The following ANKS1B variants were observed in gnomAD, a reference collection of about 807,000 sequenced individuals.
ANKS1B encodes the protein ankyrin repeat and sterile alpha motif domain containing 1B, also known as ankyrin repeat and sterile alpha motif domain-containing protein 1B.
Under a neutral mutation model 148.3 loss-of-function variants are expected in ANKS1B, and 36 were observed. The ratio of observed to expected loss-of-function variants is 0.24; its 90% confidence interval spans 0.19 to 0.32. The LOEUF (loss-of-function observed/expected upper bound fraction) is 0.32. Ranked by LOEUF, ANKS1B falls within the 10% of genes least tolerant of loss-of-function variation. The pLI, the probability that ANKS1B is intolerant of heterozygous loss-of-function variation, is 1.00. For synonymous variants in ANKS1B, 542 were observed against 560.8 expected (o/e 0.97, Z 0.47); for missense variants, 1,157 against 1,542.6 (o/e 0.75, Z 4.19).
intron 17 of ANKS1B, among the ~76,000 whole-genome samples, chr12:98,962,630 A>G (rs2099873457): frequency 6.6e-6 from 1 of 152,144 alleles, no homozygotes; most frequent in African/African-American, 2.4e-5. Context: ...TTCATCCAAC[A>G]GCCTCAGAGT....
chr12:99,639,593 T>A (rs1209812109), intron 9 of ANKS1B, among the ~76,000 whole-genome samples: 1 of 152,124 alleles, frequency 6.6e-6, no homozygotes, highest in Non-Finnish European at 1.5e-5. Context: ...GGCAATTGGA[T>A]CAGGGACAGT....
intron 14 of ANKS1B, among the ~76,000 whole-genome samples, chr12:99,172,197 G>GCAT (rs2077845072): frequency 6.6e-6 from 1 of 152,140 alleles, no homozygotes; most frequent in African/African-American, 2.4e-5. Flanking sequence ...GGTTATATGT[G>GCAT]CATGTATGAG....
chr12:99,629,626 G>A (rs1000412735), intron 9 of ANKS1B, among the ~76,000 whole-genome samples: 3 of 152,034 alleles, frequency 2.0e-5, no homozygotes, highest in South Asian at 2.1e-4. Context: ...AATTTCTGAG[G>A]TCACACAGCT....
chr12:99,325,695 A>C (rs2086178469), intron 12 of ANKS1B, among the ~76,000 whole-genome samples: 1 of 152,146 alleles, frequency 6.6e-6, no homozygotes, highest in Non-Finnish European at 1.5e-5. Context: ...AAGTCGGATC[A>C]AGATTCTGAA....
chr12:99,764,237 T>C lies in ANKS1B; in HGVS notation c.1128+8685A>G, dbSNP rs76388458. ...ATATTTTCCCTGTCTTCAAGGAGCT[T>C]ATAGGCAAAGTCAAAAAAGATGATT... On this transcript the variant is annotated intron_variant, in intron 8 of 26. Coordinates refer to ENST00000683438, the MANE Select transcript of ANKS1B (RefSeq NM_001352186.2). Among the ~76,000 whole-genome samples the C allele has an allele frequency of 9.4e-3, 1,434 of 152,244 alleles. 24 individuals are homozygous for C. The highest frequency in any genetic ancestry group is 0.033 in the African/African-American group (1,356 of 41,542).
intron 17 of ANKS1B, among the ~76,000 whole-genome samples, chr12:99,014,628 C>A (rs924068711): frequency 1.3e-5 from 2 of 151,814 alleles, no homozygotes; most frequent in Non-Finnish European, 2.9e-5. Flanking sequence ...ATGCATCTGA[C>A]AAACGTCTAA....
intron 17 of ANKS1B, among the ~76,000 whole-genome samples, chr12:99,001,003 G>A (rs2153366119): frequency 6.6e-6 from 1 of 152,116 alleles, no homozygotes; most frequent in African/African-American, 2.4e-5. Flanking sequence ...GCATGTGTGT[G>A]TGTATATAAT....
At position 98,794,585 on chromosome 12, in the gene ANKS1B, C is replaced by G. The variant is rs549516615; in HGVS notation, c.3342+4349G>C. 1.4e-4 allele frequency: 111 copies of G among 769,258 alleles called. 2 individuals carry two copies. In the South Asian group the frequency reaches 1.5e-3, roughly 10 times the overall value. The allele number at this position is 769,258 out of a possible 1,614,324, so 47.7% of individuals were successfully genotyped here. On this transcript the variant is annotated intron_variant, in intron 22 of 26. Coordinates refer to ENST00000683438, the MANE Select transcript of ANKS1B (RefSeq NM_001352186.2). ...TGCAAGGTGTTCAGATTTTGTAAATCTAAATGTCATTAAAAACTTTAAAAA... is the reference window on the plus strand; with the variant it reads ...TGCAAGGTGTTCAGATTTTGTAAATGTAAATGTCATTAAAAACTTTAAAAA...
intron 12 of ANKS1B, among the ~76,000 whole-genome samples, chr12:99,310,473 C>A (rs765042420): frequency 3.3e-5 from 5 of 152,166 alleles, no homozygotes; most frequent in African/African-American, 7.2e-5. Flanking sequence ...CTGAATAGAA[C>A]AAAAGGCTGT....
At chr12:99,295,300 G>A (rs1354825542) in intron 12 of ANKS1B, among the ~76,000 whole-genome samples, 1 of 152,112 alleles carries the variant, frequency 6.6e-6, no homozygotes, top group Non-Finnish European at 1.5e-5. Context: ...GCTAATGATA[G>A]GAAGTATTTT....
chr12:99,271,786 G>T (rs1213585134), intron 12 of ANKS1B, among the ~76,000 whole-genome samples: 1 of 150,902 alleles, frequency 6.6e-6, no homozygotes, highest in Non-Finnish European at 1.5e-5. Flanking sequence ...AGGACCTGTT[G>T]GTGGGGAAGA....
At chr12:98,980,573 A>G (rs1273484093) in intron 17 of ANKS1B, among the ~76,000 whole-genome samples, 1 of 152,174 alleles carries the variant, frequency 6.6e-6, no homozygotes, top group Non-Finnish European at 1.5e-5. Flanking sequence ...ATCTATTTCT[A>G]TTTAATGCTT....
intron 1 of ANKS1B, among the ~76,000 whole-genome samples, chr12:99,908,325 AT>A (rs1408287834): frequency 9.2e-5 from 14 of 152,232 alleles, no homozygotes; most frequent in African/African-American, 3.1e-4. Context: ...CATACCTGTA[AT>A]CCCAGCAATT....
At chr12:99,408,174 G>A (rs1365174316) in intron 11 of ANKS1B, among the ~76,000 whole-genome samples, 2 of 145,456 alleles carry the variant, frequency 1.4e-5, no homozygotes, top group Non-Finnish European at 3.0e-5. Flanking sequence ...GAACAGAATG[G>A]ACAACCCAGG....
intron 15 of ANKS1B, among the ~76,000 whole-genome samples, chr12:99,132,259 C>T (rs532576654): frequency 2.7e-4 from 41 of 152,022 alleles, no homozygotes; most frequent in African/African-American, 9.9e-4. Flanking sequence ...CCACGAGGCT[C>T]GAAAGGAAGG....
chr12:99,380,232 T>C (rs73151144), intron 12 of ANKS1B, among the ~76,000 whole-genome samples: 16,213 of 152,234 alleles, frequency 0.11, 870 homozygotes, highest in Non-Finnish European at 0.12. Flanking sequence ...GCCTAAATAT[T>C]CAATCAGAGC....
chr12:99,048,625 A>G (rs1027609846), intron 17 of ANKS1B: 2 of 152,682 alleles, frequency 1.3e-5, no homozygotes, highest in Admixed American at 1.3e-4. Flanking sequence ...AAGTGTGGAC[A>G]TGCAAAAGAT....
chr12:99,507,808 A>G (rs983239177), intron 9 of ANKS1B, among the ~76,000 whole-genome samples: 3 of 151,874 alleles, frequency 2.0e-5, no homozygotes, highest in Non-Finnish European at 2.9e-5. Context: ...TCAAAAGAGG[A>G]TATGCAAGAT....
chr12:98,897,377 A>AG (rs1329273910), intron 17 of ANKS1B, among the ~76,000 whole-genome samples: 1 of 152,128 alleles, frequency 6.6e-6, no homozygotes, highest in African/African-American at 2.4e-5. Flanking sequence ...CCAATCAACA[A>AG]GAAAAAAAAA....
Sources: gnomAD v4.1 joint callset for allele counts (sites outside exome capture counted in the v4.1 genomes callset) on GRCh38, gnomAD v4.1.1 for gene constraint, MANE v1.5 for transcripts, NCBI Gene and HGNC (gene_info 2026-07-23, HGNC 2026-07-21) for gene names.